TCFL5: variants seen among roughly 807,000 people sequenced by gnomAD.
TCFL5 encodes transcription factor-like 5 protein.
A neutral mutation model predicts 44.3 loss-of-function variants in TCFL5; 9 were observed. The ratio of observed to expected loss-of-function variants is 0.20; its 90% CI spans 0.12 to 0.35. TCFL5 has a LOEUF of 0.35. TCFL5 is among the 10% of genes least tolerant of loss of function. TCFL5 has a pLI of 1.00. For missense variants in TCFL5, 603 were observed against 613.4 expected, an observed-to-expected ratio of 0.98 and a Z score of 0.18; for synonymous variants, 319 against 271.6, an observed-to-expected ratio of 1.17 and a Z score of -1.72.
chr20:62,857,669 A>AT (rs1270926300), intron 3 of TCFL5, 31 bp from the exon 4 acceptor site: 1 of 1,603,438 alleles, frequency 6.2e-7, no homozygotes, highest in Admixed American at 1.7e-5. Context: ...GTGGTTTTTA[A>AT]TTTTGTATTC....
chr20:62,855,650 C>T (rs956387630), intron 4 of TCFL5, among the ~76,000 whole-genome samples: 3 of 152,168 alleles, frequency 2.0e-5, no homozygotes, highest in African/African-American at 7.2e-5. Context: ...CCTGTAATCC[C>T]AGCTACTCAG....
Position 62,861,154 on chromosome 20 carries a change from C to A in TCFL5, c.517G>T (p.Gly173Cys). 1 of 1,008,102 alleles carries A rather than the reference C, an allele frequency of 9.9e-7. No homozygotes were observed. Among genetic ancestry groups the A allele is most frequent in the Non-Finnish European group, 1.2e-6 (1 of 847,306 alleles). The allele number at this position is 1,008,102 out of a possible 1,614,324, so 62.4% of individuals were successfully genotyped here. ...GGCTTGGCCCGGGCCTCGGGCGCGC[C>A]GTCGGGTCCAGCCGCAGCCGCAGCC... The part of the protein sequence containing the change: ...GAAAAAAGPD[G>C]APEARAKPAV... The change falls in exon 1 of 6, where the codon GGC becomes TGC. Residue 173 changes from glycine (G) to cysteine (C), a missense_variant. Physicochemically the swap from Gly to Cys is radical, Grantham distance 159. Transcript: ENST00000335351. The surrounding 1 kb of genome is among the most constrained non-coding windows in gnomAD (Gnocchi z 4.0).
rs2064018518 is a variant in TCFL5, at chr20:62,861,740, A to G, written c.-70T>C. ...CGGGCGGCGGGAGGCGGGAGGCGGG[A>G]GGCGGGAGGCGACCCCCGGCCCGAG... is the stretch of plus-strand genomic sequence containing the variant. On this transcript the variant is annotated 5_prime_UTR_variant, in exon 1 of 6. Coordinates refer to ENST00000335351, the MANE Select transcript of TCFL5 (RefSeq NM_006602.4). The surrounding 1 kb of genome is among the most constrained non-coding windows in gnomAD (Gnocchi z 4.0). 1 of 142,080 alleles carries G rather than the reference A, an allele frequency of 7.0e-6. No homozygotes were observed. The highest frequency in any genetic ancestry group is 2.6e-5 in the African/African-American group (1 of 38,646). The allele number at this position is 142,080 out of a possible 1,614,324, so 8.8% of individuals were successfully genotyped here.
intron 5 of TCFL5, chr20:62,853,038 TAGTCACCCGGTCCACAGAAGTAC>T (rs2063834244): frequency 5.8e-6 from 7 of 1,209,056 alleles, no homozygotes; most frequent in South Asian, 2.5e-5. Flanking sequence ...CACAGAAGCA[TAGTCACCCGGTCCACAGAAGTAC>T]AGTCACCCGG....
intron 4 of TCFL5, among the ~76,000 whole-genome samples, chr20:62,856,352 C>G (rs760919865): frequency 1.3e-5 from 2 of 151,218 alleles, no homozygotes; most frequent in African/African-American, 2.4e-5. Flanking sequence ...CAAATAAAAT[C>G]TACAGACAAA....
At chr20:62,856,623 A>G (rs1190829419) in intron 4 of TCFL5, among the ~76,000 whole-genome samples, 2 of 148,274 alleles carry the variant, frequency 1.3e-5, no homozygotes, top group Admixed American at 6.9e-5. Flanking sequence ...GGAGAACGGC[A>G]TGAACCCGGG....
rs775815730 is a variant in TCFL5, at chr20:62,841,854, T to C, written c.*121A>G. 1.4e-6 allele frequency: 2 copies of C among 1,379,650 alleles called. No homozygotes were observed. Among genetic ancestry groups the C allele is most frequent in the Admixed American group, 2.5e-5 (1 of 39,600 alleles). The allele number at this position is 1,379,650 out of a possible 1,614,324, so 85.5% of individuals were successfully genotyped here. ...TCTCAAAGTCCCTACTGGAGTCCCG[T>C]CAGCTTGAGTCACGCCCTTTTCGAG... On this transcript the variant is annotated 3_prime_UTR_variant, in exon 6 of 6. Coordinates refer to ENST00000335351, the MANE Select transcript of TCFL5 (RefSeq NM_006602.4).
rs988068157 is a variant in TCFL5, at chr20:62,859,994, C to T, written c.831+131G>A. The T allele has an allele frequency of 2.9e-5, 27 of 915,502 alleles. 1 individual carries two copies. The highest frequency in any genetic ancestry group is 5.0e-5 in the African/African-American group (3 of 59,786). 56.7% of individuals were successfully genotyped at this position (915,502 alleles called of 1,614,324 possible). On this transcript the variant is annotated intron_variant, in intron 2 of 5. Coordinates refer to ENST00000335351, the MANE Select transcript of TCFL5 (RefSeq NM_006602.4). ...AAAGTGCTGGGATTACAGGTGTCGG[C>T]CTTGGCGCCCGGCTTAAAAGGTTAT...
In TCFL5 at chr20:62,861,452, G is replaced by C. The variant is rs1244791926; in HGVS notation, c.219C>G (p.Leu73=). 5.1e-6 allele frequency: 6 copies of C among 1,175,676 alleles called. No homozygotes were observed. The highest frequency in any genetic ancestry group is 4.3e-6 in the Non-Finnish European group (4 of 940,106). The allele number at this position is 1,175,676 out of a possible 1,614,324, so 72.8% of individuals were successfully genotyped here. ...GCAGCGCCGAGTTGAGGCGCGTCTC[G>C]AGCTCGCCGTCAGCCGCCGCCTCCA... ...SHMEAAADGE[L]ETRLNSALLA... The change falls in exon 1 of 6, where the codon CTC becomes CTG. Residue 73 remains leucine, a synonymous_variant. Transcript: ENST00000335351. The surrounding 1 kb of genome is among the most constrained non-coding windows in gnomAD (Gnocchi z 4.0).
At chr20:62,855,069 C>T (rs1387741164) in intron 4 of TCFL5, among the ~76,000 whole-genome samples, 1 of 152,220 alleles carries the variant, frequency 6.6e-6, no homozygotes, top group Non-Finnish European at 1.5e-5. Context: ...AATGTCGGAG[C>T]AAAATGCCCT....
chr20:62,856,887 T>C (rs550656390), intron 4 of TCFL5, among the ~76,000 whole-genome samples: 1 of 152,212 alleles, frequency 6.6e-6, no homozygotes, highest in South Asian at 2.1e-4. Flanking sequence ...ACCTACACTG[T>C]GCAAACGATA....
intron 5 of TCFL5, among the ~76,000 whole-genome samples, chr20:62,853,665 T>A (rs1600846570): frequency 6.6e-6 from 1 of 152,194 alleles, no homozygotes; most frequent in East Asian, 1.9e-4. Context: ...TTTGTTTTTC[T>A]ATTCTTGCTT....
At chr20:62,851,359 G>A in intron 5 of TCFL5, 1 of 190,074 alleles carries the variant, frequency 5.3e-6, no homozygotes, top group Non-Finnish European at 9.7e-6. Flanking sequence ...ATAAACATTT[G>A]GTCTACTTAA....
intron 5 of TCFL5, among the ~76,000 whole-genome samples, chr20:62,853,448 T>A (rs987272509): frequency 1.3e-5 from 2 of 152,114 alleles, no homozygotes; most frequent in Non-Finnish European, 2.9e-5. Context: ...CCTGGCTCAA[T>A]TGATCCTCCC....
chr20:62,845,652 C>T (rs762522668), intron 5 of TCFL5: 1 of 1,605,320 alleles, frequency 6.2e-7, no homozygotes, highest in South Asian at 1.1e-5. Flanking sequence ...CCTTCAGCAA[C>T]CCCCGCTGAC....
In TCFL5 at chr20:62,861,764, A is replaced by C. The variant is rs1568803415; in HGVS notation, c.-94T>G. 1 of 143,324 alleles carries C rather than the reference A, an allele frequency of 7.0e-6. No individual in the cohort carries two copies. Among genetic ancestry groups the C allele is most frequent in the African/African-American group, 2.5e-5 (1 of 39,744 alleles). 8.9% of individuals were successfully genotyped at this position (143,324 alleles called of 1,614,324 possible). A position where few individuals can be genotyped will look rare whatever the true frequency, so the allele number is the denominator to read the frequency against. ...GAGGCGGGAGGCGACCCCCGGCCCG[A>C]GCACTACTCTGCGCCGGCCACAGCC... On this transcript the variant is annotated 5_prime_UTR_variant, in exon 1 of 6. Coordinates refer to ENST00000335351, the MANE Select transcript of TCFL5 (RefSeq NM_006602.4). This position sits in a 1 kb window ranked among gnomAD's most constrained non-coding sequence, Gnocchi z 4.0.
chr20:62,849,156 C>T (rs959097833), intron 5 of TCFL5, among the ~76,000 whole-genome samples: 3 of 149,068 alleles, frequency 2.0e-5, no homozygotes, highest in Admixed American at 6.7e-5. Flanking sequence ...CAGAGCGAGA[C>T]GCCGTCTCAA....
chr20:62,845,967 C>A, intron 5 of TCFL5: 1 of 1,447,072 alleles, frequency 6.9e-7, no homozygotes. Context: ...CAGATAGAAA[C>A]TTCAAATGCA....
Position 62,861,038 on chromosome 20 carries a change from G to T in TCFL5, c.633C>A (p.Gly211=). The T allele has an allele frequency of 1.0e-6, 1 of 994,392 alleles. No homozygotes were observed. The highest frequency in any genetic ancestry group is 1.8e-5 in the African/African-American group (1 of 57,022). The allele number at this position is 994,392 out of a possible 1,614,324, so 61.6% of individuals were successfully genotyped here. A position where few individuals can be genotyped will look rare whatever the true frequency, so the allele number is the denominator to read the frequency against. The change falls in exon 1 of 6, where the codon GGC becomes GGA. Residue 211 remains glycine, a synonymous_variant. Coordinates refer to ENST00000335351, the MANE Select transcript of TCFL5 (RefSeq NM_006602.4). The surrounding 1 kb of genome is among the most constrained non-coding windows in gnomAD (Gnocchi z 4.0). ...CGGGCACGCACTTGTTGAGCGCCCC[G>T]CCCGGCTCGGGGGGCTCGGGGCCGC... ...APRGPEPPEP[G]GALNNLVTLI... is the part of the protein sequence containing the mutation.
Sources: gnomAD v4.1 joint callset for allele counts (sites outside exome capture counted in the v4.1 genomes callset) on GRCh38, gnomAD v4.1.1 for gene constraint, Gnocchi (gnomAD v3.1) non-coding constraint, MANE v1.5 for transcripts, NCBI Gene and HGNC (gene_info 2026-07-23, HGNC 2026-07-21) for gene names.